Variants in PRKAR1B observed in about 807,000 individuals in gnomAD.
PRKAR1B encodes the protein cAMP-dependent protein kinase type I-beta regulatory subunit.
Under a neutral mutation model 46.5 loss-of-function variants are expected in PRKAR1B, and 22 were observed. The observed-to-expected ratio is 0.47, with a 90% CI of 0.34 to 0.68. The LOEUF is 0.68. PRKAR1B is among the 30% of genes least tolerant of loss of function. The probability of loss-of-function intolerance (pLI) is 0.01; values close to 1 mark genes in which losing one functional copy is unlikely to be tolerated. For synonymous variants in PRKAR1B, 259 were observed against 217.7 expected, an observed-to-expected ratio of 1.19 and a Z score of -1.67; for missense variants, 445 against 535.6, an observed-to-expected ratio of 0.83 and a Z score of 1.67.
chr7:596,777 C>T (rs1265499337), intron 6 of PRKAR1B, among the ~76,000 whole-genome samples: 1 of 152,240 alleles, frequency 6.6e-6, no homozygotes, highest in African/African-American at 2.4e-5. Context: ...CCTCTCCACC[C>T]CAGGCCATTC....
At position 714,447 on chromosome 7, in the gene PRKAR1B, C is replaced by G. The variant is rs955609615; in HGVS notation, c.-22-2920G>C. Among the ~76,000 whole-genome samples, 1 of 152,206 alleles carries G rather than the reference C, an allele frequency of 6.6e-6. No individual in the cohort carries two copies. The highest frequency in any genetic ancestry group is 2.4e-5 in the African/African-American group (1 of 41,444). On this transcript the variant is annotated intron_variant, in intron 1 of 10. Transcript: ENST00000537384. This position sits in a 1 kb window ranked among gnomAD's most constrained non-coding sequence, Gnocchi z 4.3. Reference sequence around the variant, plus strand: ...CAGGTTTGGGGGCTGGCAGCATGCACGTGGCCAGCCAGACATGCGGCCCCT... The same window carrying G: ...CAGGTTTGGGGGCTGGCAGCATGCAGGTGGCCAGCCAGACATGCGGCCCCT...
At chr7:601,073 A>G (rs998682456) in intron 6 of PRKAR1B, among the ~76,000 whole-genome samples, 1 of 152,034 alleles carries the variant, frequency 6.6e-6, no homozygotes, top group Non-Finnish European at 1.5e-5. Flanking sequence ...GGTGACGTCC[A>G]CCTCCAAGCT....
intron 7 of PRKAR1B, among the ~76,000 whole-genome samples, chr7:595,834 G>A (rs1781242126): frequency 6.6e-6 from 1 of 152,230 alleles, no homozygotes; most frequent in South Asian, 2.1e-4. Flanking sequence ...CATCACCATG[G>A]TGAGTGGGTT....
Position 579,244 on chromosome 7 carries a change from A to G in PRKAR1B, c.891+12T>C. 2 of 1,614,056 alleles carry G rather than the reference A, an allele frequency of 1.2e-6. No individual in the cohort carries two copies. The highest frequency in any genetic ancestry group is 1.7e-6 in the Non-Finnish European group (2 of 1,179,984). On this transcript the variant is annotated intron_variant, in intron 9 of 10. Transcript: ENST00000537384. ...GCACACCCAGAGCGCCCACGTGGGA[A>G]GCACGTCTCACCTCCGTGATGATGT...
intron 1 of PRKAR1B, chr7:716,858 G>C (rs529242550): frequency 7.9e-5 from 12 of 152,322 alleles, no homozygotes; most frequent in Admixed American, 7.8e-4. Context: ...TGAGGATAGA[G>C]GAGAAACTGC....
intron 8 of PRKAR1B, among the ~76,000 whole-genome samples, chr7:581,832 C>T (rs1462367433): frequency 2.6e-5 from 4 of 152,082 alleles, no homozygotes; most frequent in Non-Finnish European, 5.9e-5. Context: ...CCTCCCACCT[C>T]GGCCTCCCAA....
intron 2 of PRKAR1B, among the ~76,000 whole-genome samples, chr7:702,853 A>C (rs1392682900): frequency 6.6e-6 from 1 of 151,692 alleles, no homozygotes; most frequent in Non-Finnish European, 1.5e-5. Context: ...TAAATACATA[A>C]ATAAATAAAT....
chr7:694,001 T>G (rs753728990), intron 2 of PRKAR1B, among the ~76,000 whole-genome samples: 20 of 152,186 alleles, frequency 1.3e-4, no homozygotes, highest in Non-Finnish European at 2.2e-4. Context: ...AGACCTGGAC[T>G]CGGCCGGGCG....
At chr7:619,668 C>A (rs1030520368) in intron 4 of PRKAR1B, among the ~76,000 whole-genome samples, 3 of 152,256 alleles carry the variant, frequency 2.0e-5, no homozygotes, top group Non-Finnish European at 4.4e-5. Context: ...GGCCCCACGC[C>A]ATTGTTCTGC....
intron 4 of PRKAR1B, among the ~76,000 whole-genome samples, chr7:645,027 G>A (rs1218682464): frequency 6.6e-6 from 1 of 152,140 alleles, no homozygotes; most frequent in Non-Finnish European, 1.5e-5. Flanking sequence ...GAGGGCAAAG[G>A]GCCCCGTGAT....
chr7:619,790 T>G (rs1783015936), intron 4 of PRKAR1B, among the ~76,000 whole-genome samples: 1 of 152,216 alleles, frequency 6.6e-6, no homozygotes. Flanking sequence ...AAAGATGACT[T>G]AGTTATTTGC....
chr7:700,833 G>T (rs78253979), intron 2 of PRKAR1B, among the ~76,000 whole-genome samples: 1 of 152,152 alleles, frequency 6.6e-6, no homozygotes, highest in Non-Finnish European at 1.5e-5. Context: ...TTTGCAGAAT[G>T]GATATGACAG....
intron 1 of PRKAR1B, 71 bp from the exon 2 acceptor site, chr7:711,598 G>T: frequency 7.3e-7 from 1 of 1,368,994 alleles, no homozygotes; most frequent in Non-Finnish European, 1.0e-6. Context: ...AACGCAGGCG[G>T]CGTGAACCAG....
chr7:571,700 C>A (rs926665845), intron 9 of PRKAR1B, among the ~76,000 whole-genome samples: 3 of 152,092 alleles, frequency 2.0e-5, no homozygotes, highest in Non-Finnish European at 4.4e-5. Flanking sequence ...GGGAGGTCTC[C>A]GGGAGGGGAA....
At chr7:641,920 T>C (rs1242802427) in intron 4 of PRKAR1B, among the ~76,000 whole-genome samples, 1 of 152,146 alleles carries the variant, frequency 6.6e-6, no homozygotes, top group Non-Finnish European at 1.5e-5. Flanking sequence ...GTCACTTTTT[T>C]TGAGACAGGG....
chr7:586,984 C>T (rs1001749984), intron 7 of PRKAR1B, among the ~76,000 whole-genome samples: 3 of 151,250 alleles, frequency 2.0e-5, no homozygotes, highest in South Asian at 2.1e-4. Context: ...CCCGGGTTCA[C>T]GCCATTCTCC....
intron 9 of PRKAR1B, among the ~76,000 whole-genome samples, chr7:563,051 A>G (rs966205970): frequency 6.6e-6 from 1 of 152,028 alleles, no homozygotes; most frequent in East Asian, 1.9e-4. Flanking sequence ...AGCAACCCCA[A>G]CCCTTCCACA....
chr7:588,842 A>G (rs111210970), intron 7 of PRKAR1B, among the ~76,000 whole-genome samples: 6,113 of 11,708 alleles, frequency 0.52, 952 homozygotes, highest in Middle Eastern at 0.75. Flanking sequence ...TGGTGATGGT[A>G]ATGGTGGTGA....
At chr7:660,934 C>G (rs1217073468) in intron 4 of PRKAR1B, among the ~76,000 whole-genome samples, 1 of 132,136 alleles carries the variant, frequency 7.6e-6, no homozygotes, top group African/African-American at 3.0e-5. Flanking sequence ...GGTCCCCAAC[C>G]CAACGGGTCC....
Sources: gnomAD v4.1 joint callset for allele counts (sites outside exome capture counted in the v4.1 genomes callset) on GRCh38, gnomAD v4.1.1 for gene constraint, Gnocchi (gnomAD v3.1) non-coding constraint, MANE v1.5 for transcripts, NCBI Gene and HGNC (gene_info 2026-07-23, HGNC 2026-07-21) for gene names.